The following RMST variants were observed in gnomAD, a reference collection of about 807,000 sequenced individuals.
The protein encoded by RMST is rhabdomyosarcoma 2 associated transcript, also known as long intergenic non-protein coding RNA 54.
At chr12:97,550,037 G>T (rs898702169) in intron 11 of RMST, among the ~76,000 whole-genome samples, 2 of 152,194 alleles carry the variant, frequency 1.3e-5, no homozygotes, top group Admixed American at 1.3e-4. Flanking sequence ...TCAATCAAAA[G>T]TTTAAAGTTA....
chr12:97,541,720 T>TA (rs139035988), intron 11 of RMST, among the ~76,000 whole-genome samples: 14,451 of 137,112 alleles, frequency 0.11, 1,516 homozygotes, highest in African/African-American at 0.27. Flanking sequence ...GAGGCAGATT[T>TA]AAAAAAAAAG....
intron 11 of RMST, among the ~76,000 whole-genome samples, chr12:97,537,122 T>A (rs1335894807): frequency 3.3e-5 from 5 of 151,444 alleles, no homozygotes; most frequent in Non-Finnish European, 7.4e-5. Context: ...ATGAAAGTGT[T>A]TTGTAGCAGA....
intron 5 of RMST, among the ~76,000 whole-genome samples, chr12:97,487,222 A>G (rs1437958773): frequency 1.3e-5 from 2 of 152,174 alleles, no homozygotes; most frequent in East Asian, 1.9e-4. Context: ...TTAAGAACCA[A>G]ATCACCTGGG....
chr12:97,537,537 AT>A (rs1042966335), intron 11 of RMST, among the ~76,000 whole-genome samples: 1 of 151,236 alleles, frequency 6.6e-6, no homozygotes, highest in Non-Finnish European at 1.5e-5. Flanking sequence ...AAAATTACAC[AT>A]TTTTTTGCAT....
intron 11 of RMST, among the ~76,000 whole-genome samples, chr12:97,542,763 C>G (rs1218220774): frequency 2.6e-5 from 4 of 152,068 alleles, no homozygotes; most frequent in African/African-American, 9.6e-5. Context: ...TGTATTTGGA[C>G]TTGTTCAGGG....
At chr12:97,549,081 G>A (rs192152683) in intron 11 of RMST, among the ~76,000 whole-genome samples, 4 of 152,188 alleles carry the variant, frequency 2.6e-5, no homozygotes, top group Non-Finnish European at 5.9e-5. Context: ...TTCCTACTAC[G>A]CACCCTGGGT....
intron 11 of RMST, among the ~76,000 whole-genome samples, chr12:97,535,341 A>G (rs1029499481): frequency 1.3e-5 from 2 of 151,672 alleles, no homozygotes; most frequent in African/African-American, 4.8e-5. Flanking sequence ...TTATCATACT[A>G]TCTCTGTGTA....
chr12:97,502,878 TA>T (rs1878241816), intron 10 of RMST, among the ~76,000 whole-genome samples: 1 of 152,194 alleles, frequency 6.6e-6, no homozygotes, highest in Non-Finnish European at 1.5e-5. Flanking sequence ...GTAGTAATAG[TA>T]AACACTTATA....
chr12:97,477,323 G>A (rs1050831420), intron 5 of RMST, among the ~76,000 whole-genome samples: 3 of 152,120 alleles, frequency 2.0e-5, no homozygotes, highest in African/African-American at 7.2e-5. Context: ...ATTGATAATA[G>A]GCTTTTTCAT....
chr12:97,518,573 G>A (rs922976363), intron 10 of RMST, among the ~76,000 whole-genome samples: 13 of 152,074 alleles, frequency 8.5e-5, no homozygotes, highest in Non-Finnish European at 1.5e-4. Context: ...TCTGGAATGG[G>A]TCTGATAACC....
chr12:97,479,727 G>T lies in RMST; in HGVS notation n.645-12734G>T, dbSNP rs76026074. 3.5e-3 allele frequency among the ~76,000 whole-genome samples: 537 copies of T among 152,068 alleles called. 4 individuals carry two copies. Among genetic ancestry groups the T allele is most frequent in the African/African-American group, 0.012 (500 of 41,460 alleles). ...CTTCCCCTGGGTTCATCCTCAGCCC[G>T]TTGCTCTTGCCCTGTACACTTTTCC... On this transcript the variant is annotated intron_variant and non_coding_transcript_variant, in intron 5 of 13. Coordinates refer to ENST00000640149, the Ensembl canonical transcript of RMST.
chr12:97,520,644 C>T (rs573803182), intron 10 of RMST, among the ~76,000 whole-genome samples: 7 of 152,062 alleles, frequency 4.6e-5, no homozygotes, highest in African/African-American at 1.7e-4. Flanking sequence ...GAAAAATCCC[C>T]CAAACGATTT....
chr12:97,531,719 C>T (rs1241738963), intron 11 of RMST, among the ~76,000 whole-genome samples: 1 of 151,902 alleles, frequency 6.6e-6, no homozygotes, highest in Non-Finnish European at 1.5e-5. Flanking sequence ...GCAATATAAT[C>T]GGGGACGTAT....
At chr12:97,464,384 T>G (rs1872933557) in intron 4 of RMST, among the ~76,000 whole-genome samples, 1 of 152,186 alleles carries the variant, frequency 6.6e-6, no homozygotes, top group African/African-American at 2.4e-5. Flanking sequence ...CTAAAGATGG[T>G]TTTTATCCCC....
At chr12:97,546,622 C>T (rs1368626847) in intron 11 of RMST, among the ~76,000 whole-genome samples, 1 of 151,636 alleles carries the variant, frequency 6.6e-6, no homozygotes, top group Non-Finnish European at 1.5e-5. Context: ...AATGTTGATG[C>T]CAAAGTAAAT....
chr12:97,470,980 G>A (rs1873842776), intron 5 of RMST, among the ~76,000 whole-genome samples: 1 of 151,988 alleles, frequency 6.6e-6, no homozygotes, highest in Non-Finnish European at 1.5e-5. Context: ...CAGTACTTGT[G>A]GTTAATTTTA....
intron 11 of RMST, among the ~76,000 whole-genome samples, chr12:97,532,402 G>C (rs541699772): frequency 1.3e-5 from 2 of 151,978 alleles, no homozygotes; most frequent in African/African-American, 4.8e-5. Flanking sequence ...AGTTTTGTAT[G>C]CAGTAAACAT....
chr12:97,550,436 C>T (rs77725724), intron 11 of RMST, among the ~76,000 whole-genome samples: 2,448 of 152,060 alleles, frequency 0.016, 57 homozygotes, highest in African/African-American at 0.056. Context: ...ATTAAAAGGA[C>T]TGAAATAATG....
intron 11 of RMST, among the ~76,000 whole-genome samples, chr12:97,554,057 C>T (rs928446895): frequency 7.3e-5 from 11 of 150,510 alleles, no homozygotes; most frequent in East Asian, 2.0e-4. Context: ...CGGGTTCAAG[C>T]GATTCTCCTG....
Sources: gnomAD v4.1 joint callset for allele counts (sites outside exome capture counted in the v4.1 genomes callset) on GRCh38, gnomAD v4.1.1 for gene constraint, MANE v1.5 for transcripts, NCBI Gene and HGNC (gene_info 2026-07-23, HGNC 2026-07-21) for gene names.